The following WDFY4 variants were observed in gnomAD, a reference collection of about 807,000 sequenced individuals.
The protein encoded by WDFY4 is WDFY family member 4.
A neutral mutation model predicts 351.9 loss-of-function variants in WDFY4; 169 were observed. The ratio of observed to expected loss-of-function variants is 0.48; its 90% CI spans 0.42 to 0.55. The LOEUF is 0.55. Among genes scored for constraint, WDFY4 ranks in the 20% least tolerant of loss-of-function variants. The pLI, the probability that WDFY4 is intolerant of heterozygous loss-of-function variation, is 0.00. For synonymous variants in WDFY4, 1,622 were observed against 1,574.6 expected, an observed-to-expected ratio of 1.03 and a Z score of -0.71; for missense variants, 3,803 against 3,935.6, an observed-to-expected ratio of 0.97 and a Z score of 0.90.
chr10:48,833,586 G>T (rs1295267870), intron 39 of WDFY4, among the ~76,000 whole-genome samples: 1 of 152,230 alleles, frequency 6.6e-6, no homozygotes, highest in Non-Finnish European at 1.5e-5. Context: ...TCATGGGGGA[G>T]TGACGAGGTT....
chr10:48,867,128 C>T (rs746734052), intron 39 of WDFY4, 137 bp from the exon 40 acceptor site: 12 of 268,058 alleles, frequency 4.5e-5, no homozygotes, highest in Middle Eastern at 1.6e-3. Context: ...CAAGATTGTG[C>T]CACTGCACTC....
In WDFY4 at chr10:48,821,151, T is replaced by C; in HGVS notation, c.5799T>C (p.Ser1933=). The C allele has an allele frequency of 6.4e-7, 1 of 1,551,446 alleles. No homozygotes were observed. Among genetic ancestry groups the C allele is most frequent in the Non-Finnish European group, 8.7e-7 (1 of 1,146,856 alleles). The change falls in exon 34 of 62, where the codon AGT becomes AGC. Residue 1933 remains serine, a synonymous_variant. Coordinates refer to ENST00000325239, the MANE Select transcript of WDFY4 (RefSeq NM_001394531.1). The stretch of plus-strand genomic sequence containing the variant: ...CTATGGAACTATTCCACATGACAAG[T>C]GGAGGTGATGCAGCGATGTTCAGAG... ...LSAMELFHMT[S]GGDAAMFRDG...
At chr10:48,768,680 G>A (rs1301243470) in intron 13 of WDFY4, among the ~76,000 whole-genome samples, 1 of 151,290 alleles carries the variant, frequency 6.6e-6, no homozygotes, top group South Asian at 2.1e-4. Flanking sequence ...GAAGAGTCAC[G>A]GGTCGAGCAG....
intron 30 of WDFY4, among the ~76,000 whole-genome samples, chr10:48,813,090 C>T (rs747062617): frequency 1.1e-4 from 16 of 152,152 alleles, no homozygotes; most frequent in South Asian, 8.3e-4. Flanking sequence ...CCCTGAAGAA[C>T]GGACCCACCT....
At chr10:48,908,811 T>C (rs185368940) in intron 47 of WDFY4, among the ~76,000 whole-genome samples, 2 of 152,316 alleles carry the variant, frequency 1.3e-5, no homozygotes, top group Admixed American at 6.5e-5. Context: ...TTTGTCATTT[T>C]ATCACATGTA....
At chr10:48,783,435 G>T (rs898428797) in intron 19 of WDFY4, among the ~76,000 whole-genome samples, 9 of 151,620 alleles carry the variant, frequency 5.9e-5, no homozygotes, top group Non-Finnish European at 1.0e-4. Flanking sequence ...GGAACCCCCA[G>T]ATATGCAGGG....
chr10:48,964,175 T>G, intron 54 of WDFY4, 121 bp downstream of exon 54: 1 of 1,091,242 alleles, frequency 9.2e-7, no homozygotes, highest in East Asian at 2.6e-5. Context: ...CCCCATCATC[T>G]TCCTGTGCTT....
At chr10:48,703,592 T>C (rs1464771346) in intron 1 of WDFY4, among the ~76,000 whole-genome samples, 2 of 152,204 alleles carry the variant, frequency 1.3e-5, no homozygotes, top group African/African-American at 4.8e-5. Context: ...ATTCCACATG[T>C]CTTCTTGCTC....
chr10:48,814,153 G>A, intron 31 of WDFY4, 71 bp downstream of exon 31: 1 of 1,445,154 alleles, frequency 6.9e-7, no homozygotes, highest in Non-Finnish European at 9.2e-7. Flanking sequence ...GGGTCACCTT[G>A]ACTTTTCTCT....
At chr10:48,810,895 C>G (rs922989182) in intron 29 of WDFY4, among the ~76,000 whole-genome samples, 160 bp downstream of exon 29, 4 of 152,284 alleles carry the variant, frequency 2.6e-5, no homozygotes, top group Middle Eastern at 6.8e-3. Context: ...GAGCCCAGCC[C>G]CCCTGACATC....
chr10:48,750,019 A>G (rs186673251), intron 12 of WDFY4, among the ~76,000 whole-genome samples: 89 of 152,324 alleles, frequency 5.8e-4, no homozygotes, highest in African/African-American at 2.1e-3. Context: ...GCTCCAGGCA[A>G]TAGTTAAGGT....
intron 47 of WDFY4, among the ~76,000 whole-genome samples, chr10:48,941,020 C>A (rs1053475368): frequency 2.0e-5 from 3 of 152,156 alleles, no homozygotes; most frequent in Admixed American, 2.0e-4. Context: ...CTTTTTAACC[C>A]AGTAGCACCA....
At chr10:48,695,044 C>T (rs2063296540) in intron 1 of WDFY4, among the ~76,000 whole-genome samples, 1 of 152,184 alleles carries the variant, frequency 6.6e-6, no homozygotes, top group Non-Finnish European at 1.5e-5. Context: ...ATCCAGAGAC[C>T]CACTACACGG....
At chr10:48,686,917 T>G (rs748524617) in intron 1 of WDFY4, among the ~76,000 whole-genome samples, 1 of 152,204 alleles carries the variant, frequency 6.6e-6, no homozygotes, top group Non-Finnish European at 1.5e-5. Context: ...GTTGTACATA[T>G]CGTCAGCCTT....
chr10:48,704,878 A>G (rs2063583134), intron 1 of WDFY4, among the ~76,000 whole-genome samples: 2 of 152,268 alleles, frequency 1.3e-5, no homozygotes, highest in South Asian at 4.1e-4. Context: ...AAATGCCTGC[A>G]CTAAGTAGGT....
intron 47 of WDFY4, among the ~76,000 whole-genome samples, chr10:48,903,247 G>T (rs143444035): frequency 2.6e-5 from 4 of 152,312 alleles, no homozygotes; most frequent in African/African-American, 9.6e-5. Context: ...GGAGGTCACA[G>T]GGGATAGTTG....
rs771657240 is a variant in WDFY4, at chr10:48,731,212, C to A, written c.1232C>A (p.Thr411Asn). 35 of 1,551,734 alleles carry A rather than the reference C, an allele frequency of 2.3e-5. No homozygotes were observed. Among genetic ancestry groups the A allele is most frequent in the Middle Eastern group, 1.7e-4 (1 of 6,014 alleles). ...LCIQVLSVIR[T>N]MWAWNARNFF... Reference sequence around the variant, plus strand: ...ATACAAGTCTTGTCAGTCATCAGGACCATGTGGGCCTGGAATGCTCGAAAC... The same window carrying A: ...ATACAAGTCTTGTCAGTCATCAGGAACATGTGGGCCTGGAATGCTCGAAAC... The change falls in exon 9 of 62, where the codon ACC becomes AAC. Residue 411 changes from threonine to asparagine, a missense_variant. Transcript: ENST00000325239.
intron 47 of WDFY4, among the ~76,000 whole-genome samples, chr10:48,908,544 A>T (rs1221647381): frequency 6.6e-6 from 1 of 152,144 alleles, no homozygotes; most frequent in Non-Finnish European, 1.5e-5. Flanking sequence ...TTAGATTCTC[A>T]TGTTAAGCTT....
intron 52 of WDFY4, among the ~76,000 whole-genome samples, chr10:48,958,086 A>C (rs1226118477): frequency 6.6e-6 from 1 of 152,176 alleles, no homozygotes; most frequent in Non-Finnish European, 1.5e-5. Flanking sequence ...TCCGGACAGC[A>C]CATAAGGGCA....
Sources: gnomAD v4.1 joint callset for allele counts (sites outside exome capture counted in the v4.1 genomes callset) on GRCh38, gnomAD v4.1.1 for gene constraint, MANE v1.5 for transcripts, NCBI Gene and HGNC (gene_info 2026-07-23, HGNC 2026-07-21) for gene names.